ENTREP2: variants seen among roughly 807,000 people sequenced by gnomAD.
ENTREP2 encodes the protein endosomal transmembrane epsin interactor 2, also known as protein ENTREP2.
At chr15:29,174,210 G>A in the ENTREP2 span, among the ~76,000 whole-genome samples, 76 of 152,312 alleles carry the variant, frequency 5.0e-4, no homozygotes, top group African/African-American at 1.8e-3. Flanking sequence ...GACCCCCTGG[G>A]TCACTGCATC....
chr15:29,389,478 G>A, the ENTREP2 span, among the ~76,000 whole-genome samples: 1 of 152,044 alleles, frequency 6.6e-6, no homozygotes, highest in Non-Finnish European at 1.5e-5. Context: ...TGAGCGCTTG[G>A]AACTGACTGT....
At chr15:29,649,742 A>AAAAAAAAAAG in the ENTREP2 span, among the ~76,000 whole-genome samples, 1 of 150,898 alleles carries the variant, frequency 6.6e-6, no homozygotes, top group African/African-American at 2.5e-5. Context: ...AAAAAAAAAA[A>AAAAAAAAAAG]AAAGAAAGAA....
the ENTREP2 span, among the ~76,000 whole-genome samples, chr15:29,132,955 G>A: frequency 6.6e-6 from 1 of 152,182 alleles, no homozygotes; most frequent in African/African-American, 2.4e-5. Context: ...AGCAGAGGCG[G>A]TGAAGGGGAC....
chr15:29,329,643 T>A, the ENTREP2 span, among the ~76,000 whole-genome samples: 1 of 152,094 alleles, frequency 6.6e-6, no homozygotes, highest in Non-Finnish European at 1.5e-5. Flanking sequence ...AATTTGCCCA[T>A]GGACTAGGGC....
the ENTREP2 span, among the ~76,000 whole-genome samples, chr15:29,604,552 A>G: frequency 6.6e-6 from 1 of 152,220 alleles, no homozygotes; most frequent in Non-Finnish European, 1.5e-5. Context: ...AAATCCCTGA[A>G]GTCATTATAC....
At chr15:29,613,749 T>TA in the ENTREP2 span, 1 of 166,322 alleles carries the variant, frequency 6.0e-6, no homozygotes. Flanking sequence ...TCTGCTTCCC[T>TA]CACCAGCTCA....
At chr15:29,237,051 G>C in the ENTREP2 span, among the ~76,000 whole-genome samples, 1 of 152,184 alleles carries the variant, frequency 6.6e-6, no homozygotes. Context: ...ATTTGTTTTA[G>C]GTATATAAAA....
the ENTREP2 span, among the ~76,000 whole-genome samples, chr15:29,165,680 G>T: frequency 1.3e-5 from 2 of 152,074 alleles, no homozygotes; most frequent in African/African-American, 4.8e-5. Context: ...GACTGAAATG[G>T]TAATTACAAA....
chr15:29,253,350 C>T, the ENTREP2 span, among the ~76,000 whole-genome samples: 1 of 152,228 alleles, frequency 6.6e-6, no homozygotes, highest in East Asian at 1.9e-4. Flanking sequence ...AGTCCTCTAT[C>T]ATTAAACATT....
At chr15:29,190,787 G>A in the ENTREP2 span, among the ~76,000 whole-genome samples, 3 of 152,252 alleles carry the variant, frequency 2.0e-5, no homozygotes, top group Non-Finnish European at 4.4e-5. Context: ...GGAAAATTCA[G>A]ACATGGAGTG....
chr15:29,360,390 G>T, the ENTREP2 span, among the ~76,000 whole-genome samples: 2 of 152,070 alleles, frequency 1.3e-5, no homozygotes, highest in Non-Finnish European at 2.9e-5. Flanking sequence ...ATTAGGAAAG[G>T]GGGGCATTTT....
the ENTREP2 span, among the ~76,000 whole-genome samples, chr15:29,225,697 C>A: frequency 1.3e-5 from 2 of 152,164 alleles, no homozygotes; most frequent in Admixed American, 1.3e-4. Context: ...GCGGTGAGAA[C>A]AACGCCCACG....
At chr15:29,506,128 T>C in the ENTREP2 span, among the ~76,000 whole-genome samples, 18 of 152,114 alleles carry the variant, frequency 1.2e-4, no homozygotes, top group East Asian at 2.7e-3. Context: ...CAAGTATCAG[T>C]AGCCCAATCT....
At chr15:29,619,827 C>G in the ENTREP2 span, among the ~76,000 whole-genome samples, 1 of 152,042 alleles carries the variant, frequency 6.6e-6, no homozygotes, top group Admixed American at 6.5e-5. Context: ...CCTGGAGGTT[C>G]TCCTGTCTCT....
At chr15:29,544,043 T>C in the ENTREP2 span, among the ~76,000 whole-genome samples, 1 of 151,766 alleles carries the variant, frequency 6.6e-6, no homozygotes, top group African/African-American at 2.4e-5. Context: ...AATTTGTATT[T>C]ATAAAACAGC....
At chr15:29,266,033 AG>A in the ENTREP2 span, 1 of 152,212 alleles carries the variant, frequency 6.6e-6, no homozygotes, top group African/African-American at 2.4e-5. Context: ...TATGACCAAA[AG>A]AAGTGAAAAT....
the ENTREP2 span, among the ~76,000 whole-genome samples, chr15:29,185,761 C>T: frequency 6.6e-6 from 1 of 152,056 alleles, no homozygotes; most frequent in East Asian, 1.9e-4. Context: ...AGGGTTTTGC[C>T]GTGTTGGCCA....
chr15:29,350,586 A>C, the ENTREP2 span, among the ~76,000 whole-genome samples: 1 of 152,226 alleles, frequency 6.6e-6, no homozygotes, highest in African/African-American at 2.4e-5. Flanking sequence ...AGTAACTGAA[A>C]ACTGCAAAAA....
At chr15:29,484,205 G>C in the ENTREP2 span, among the ~76,000 whole-genome samples, 1 of 152,166 alleles carries the variant, frequency 6.6e-6, no homozygotes, top group Non-Finnish European at 1.5e-5. Flanking sequence ...CTAATAACAA[G>C]AATGTTCAAT....
Sources: gnomAD v4.1 joint callset for allele counts (sites outside exome capture counted in the v4.1 genomes callset) on GRCh38, gnomAD v4.1.1 for gene constraint, MANE v1.5 for transcripts, NCBI Gene and HGNC (gene_info 2026-07-23, HGNC 2026-07-21) for gene names.